Variants in PTPRQ observed in about 807,000 individuals in gnomAD.
PTPRQ encodes protein tyrosine phosphatase receptor type Q.
A neutral mutation model predicts 246.0 loss-of-function variants in PTPRQ; 199 were observed. That is an observed-to-expected ratio of 0.81 (90% CI 0.72 to 0.91). The LOEUF is 0.91. Among genes scored for constraint, PTPRQ ranks in the 40% least tolerant of loss-of-function variants. The pLI, the probability that PTPRQ is intolerant of heterozygous loss-of-function variation, is 0.00. For synonymous variants in PTPRQ, 869 were observed against 853.2 expected (o/e 1.02, Z -0.32); for missense variants, 2,624 against 2,528.4 (o/e 1.04, Z -0.81).
chr12:80,479,707 A>G lies in PTPRQ; in HGVS notation c.1187-4726A>G, dbSNP rs1329172023. 1.6e-3 allele frequency among the ~76,000 whole-genome samples: 243 copies of G among 148,198 alleles called. 3 individuals carry two copies. Among genetic ancestry groups the G allele is most frequent in the African/African-American group, 5.7e-3 (223 of 39,114 alleles). On this transcript the variant is annotated intron_variant, in intron 8 of 44. Coordinates refer to ENST00000644991, the MANE Select transcript of PTPRQ (RefSeq NM_001145026.2). ...ATCTACCAAGCAAATGGAGAACAAA[A>G]AAAGGCAGGGGTTGCAATCCTAGTC...
chr12:80,588,175 T>C lies in PTPRQ; in HGVS notation c.4332T>C (p.Thr1444=). 6.5e-7 allele frequency: 1 copy of C among 1,546,512 alleles called. No homozygotes were observed. Residue 1444 remains threonine, a synonymous_variant, in exon 26 of 45, where the codon ACT becomes ACC. Coordinates refer to ENST00000644991, the MANE Select transcript of PTPRQ (RefSeq NM_001145026.2). ...TNIAFSDVQS[T]SATLTWIRPD... is the part of the protein sequence containing the mutation. ...TTGCTTTTTCTGATGTTCAGTCAAC[T>C]AGTGCAACATTGACATGGATAAGAC...
rs150821871 is a variant in PTPRQ, at chr12:80,475,380, C to A, written c.1186+3129C>A. On this transcript the variant is annotated intron_variant, in intron 8 of 44. Transcript: ENST00000644991. ...TAAAGAAAATGTGAGATTTTTTTGG[C>A]CAAATGTCTAACTTATTTCTCATTT... Among the ~76,000 whole-genome samples the A allele has an allele frequency of 5.9e-5, 9 of 151,968 alleles. No individual in the cohort carries two copies. The East Asian group carries it at 1.7e-3, about 29-fold the overall frequency.
At chr12:80,614,334 T>C (rs1221081789) in intron 29 of PTPRQ, among the ~76,000 whole-genome samples, 1 of 150,844 alleles carries the variant, frequency 6.6e-6, no homozygotes, top group Non-Finnish European at 1.5e-5. Flanking sequence ...CATGAGTTCA[T>C]ATACATACAC....
chr12:80,479,996 T>C (rs1376311521), intron 8 of PTPRQ, among the ~76,000 whole-genome samples: 13 of 152,092 alleles, frequency 8.5e-5, no homozygotes, highest in Admixed American at 1.3e-4. Context: ...TACCCAGGAA[T>C]TGAACTCAGC....
chr12:80,501,220 T>C (rs1894789913), intron 14 of PTPRQ, among the ~76,000 whole-genome samples: 1 of 151,934 alleles, frequency 6.6e-6, no homozygotes, highest in African/African-American at 2.4e-5. Flanking sequence ...CTAGGAACTT[T>C]GGAGTTTAAT....
At chr12:80,613,268 T>C (rs745787913) in intron 28 of PTPRQ, among the ~76,000 whole-genome samples, 6 of 150,616 alleles carry the variant, frequency 4.0e-5, no homozygotes, top group Non-Finnish European at 7.5e-5. Flanking sequence ...TGACTCTAAA[T>C]TGTCATGCCA....
intron 3 of PTPRQ, chr12:80,454,481 C>G (rs1462448467): frequency 1.4e-6 from 1 of 701,952 alleles, no homozygotes; most frequent in African/African-American, 1.8e-5. Context: ...CTTGATCGCT[C>G]TGGCTAGGCC....
At position 80,549,553 on chromosome 12, in the gene PTPRQ, A is replaced by C; in HGVS notation, c.4104A>C (p.Gly1368=). ...GGGATCCACCCAAAAAGGCAAATGG[A>C]ATAATAACGCAGTATATGGTAACAG... is the stretch of plus-strand genomic sequence containing the variant. ...VKWDPPKKAN[G]IITQYMVTVE... The change falls in exon 25 of 45, where the codon GGA becomes GGC. Residue 1368 remains glycine (G), a synonymous_variant. Transcript: ENST00000644991. 1.3e-6 allele frequency: 2 copies of C among 1,551,256 alleles called. No homozygotes were observed. The highest frequency in any genetic ancestry group is 1.7e-6 in the Non-Finnish European group (2 of 1,146,624).
intron 25 of PTPRQ, among the ~76,000 whole-genome samples, chr12:80,573,656 ATGTTGAAAAT>A (rs1897209648): frequency 1.3e-5 from 2 of 152,184 alleles, no homozygotes; most frequent in African/African-American, 4.8e-5. Flanking sequence ...TTTATTTAAA[ATGTTGAAAAT>A]ATTGGCTCAA....
At chr12:80,492,758 TA>T (rs1172468742) in intron 9 of PTPRQ, among the ~76,000 whole-genome samples, 1 of 151,996 alleles carries the variant, frequency 6.6e-6, no homozygotes, top group Non-Finnish European at 1.5e-5. Flanking sequence ...TGAAAACTAT[TA>T]ATATTACCAT....
chr12:80,449,870 G>A (rs1213847074), intron 3 of PTPRQ, among the ~76,000 whole-genome samples: 2 of 151,962 alleles, frequency 1.3e-5, no homozygotes, highest in Non-Finnish European at 2.9e-5. Context: ...CTCTTTTTTG[G>A]TTCCATATGA....
At position 80,622,223 on chromosome 12, in the gene PTPRQ, T is replaced by A. The variant is rs535421539; in HGVS notation, c.5686+89T>A. The A allele has an allele frequency of 3.9e-6, 4 of 1,028,520 alleles. No homozygotes were observed. The East Asian group carries it at 1.0e-4, about 26-fold the overall frequency. 63.7% of individuals were successfully genotyped at this position (1,028,520 alleles called of 1,614,324 possible). A position where few individuals can be genotyped will look rare whatever the true frequency, so the allele number is the denominator to read the frequency against. ...GTAAATGTATTAATCCATGTCTAGA[T>A]GTTTTAAAATATAAACTCATTTAAA... is the stretch of plus-strand genomic sequence containing the variant. On this transcript the variant is annotated intron_variant, in intron 33 of 44. Coordinates refer to ENST00000644991, the MANE Select transcript of PTPRQ (RefSeq NM_001145026.2).
chr12:80,591,120 CT>C (rs757029945), intron 26 of PTPRQ, among the ~76,000 whole-genome samples: 810 of 77,372 alleles, frequency 0.01, 4 homozygotes, highest in African/African-American at 0.035. Flanking sequence ...TTGATCATTG[CT>C]TTTTTTTTTT....
chr12:80,510,442 T>G lies in PTPRQ; in HGVS notation c.2677T>G (p.Trp893Gly). The change falls in exon 17 of 45, where the codon TGG becomes GGG. Residue 893 changes from tryptophan (W) to glycine (G), a missense_variant and splice_region_variant. By Grantham distance (184) the Trp-to-Gly change is radical. Coordinates refer to ENST00000644991, the MANE Select transcript of PTPRQ (RefSeq NM_001145026.2). The stretch of plus-strand genomic sequence containing the variant: ...TATCCTTTATTACACAGTTTATGTC[T>G]GGTAATAATTTTTTTTTTGGAAATA... ...GIILYYTVYV[W>G]NRSSLKTINV... 1 of 1,533,972 alleles carries G rather than the reference T, an allele frequency of 6.5e-7. No individual in the cohort carries two copies. The highest frequency in any genetic ancestry group is 2.5e-5 in the East Asian group (1 of 40,486).
In PTPRQ at chr12:80,649,630, T is replaced by G; in HGVS notation, c.5985T>G (p.Leu1995=). ...KKSFLQHVEE[L]CTNNNLKFQE... ...CCTTCCTGCAACATGTTGAAGAGCTTTGCACAAACAACAACCTAAAGTTTC... is the reference window on the plus strand; with the variant it reads ...CCTTCCTGCAACATGTTGAAGAGCTGTGCACAAACAACAACCTAAAGTTTC... The change falls in exon 37 of 45, where the codon CTT becomes CTG. Residue 1995 remains leucine, a synonymous_variant. Coordinates refer to ENST00000644991, the MANE Select transcript of PTPRQ (RefSeq NM_001145026.2). 1 of 1,549,980 alleles carries G rather than the reference T, an allele frequency of 6.5e-7. No homozygotes were observed. Among genetic ancestry groups the G allele is most frequent in the Non-Finnish European group, 8.7e-7 (1 of 1,145,896 alleles).
At chr12:80,665,547 CT>C (rs1263187058) in intron 39 of PTPRQ, among the ~76,000 whole-genome samples, 7 of 152,018 alleles carry the variant, frequency 4.6e-5, no homozygotes, top group East Asian at 1.9e-4. Context: ...CCCTGCAAAT[CT>C]GTTCATACTA....
chr12:80,669,429 A>G lies in PTPRQ; in HGVS notation c.6418A>G (p.Ile2140Val), dbSNP rs1429808494. The change falls in exon 41 of 45, where the codon ATA becomes GTA. Residue 2140 changes from isoleucine (I) to valine (V), a missense_variant. Ile to Val is a conservative substitution (Grantham distance 29, BLOSUM62 3). Transcript: ENST00000644991. ...VITKLMEDVQ[I>V]DWTIRDLKIE... ...TACAAAGCTAATGGAGGATGTTCAA[A>G]TAGATTGGACTATCAGGGATCTGAA... 6.5e-7 allele frequency: 1 copy of G among 1,549,280 alleles called. No individual in the cohort carries two copies. The highest frequency in any genetic ancestry group is 8.7e-7 in the Non-Finnish European group (1 of 1,145,828).
intron 25 of PTPRQ, among the ~76,000 whole-genome samples, chr12:80,583,094 A>C (rs1236173467): frequency 1.3e-5 from 2 of 152,064 alleles, no homozygotes; most frequent in Non-Finnish European, 2.9e-5. Flanking sequence ...ACACATCCTG[A>C]TATTTTTTAT....
chr12:80,677,727 T>G (rs1344302418), intron 43 of PTPRQ, among the ~76,000 whole-genome samples: 1 of 152,190 alleles, frequency 6.6e-6, no homozygotes, highest in East Asian at 1.9e-4. Context: ...CAAAAGGTTT[T>G]GAGGTACAGT....
Sources: allele counts gnomAD v4.1 joint callset (sites outside exome capture counted in the v4.1 genomes callset), GRCh38; gene constraint gnomAD v4.1.1; transcripts MANE v1.5; gene names NCBI Gene and HGNC (gene_info 2026-07-23, HGNC 2026-07-21).